CDH12: variants seen among roughly 807,000 people sequenced by gnomAD.
The protein encoded by CDH12 is cadherin 12.
In CDH12, 41 loss-of-function variants were observed where a neutral mutation model predicts 74.1. The ratio of observed to expected loss-of-function variants is 0.55; its 90% CI spans 0.43 to 0.72. The LOEUF (loss-of-function observed/expected upper bound fraction) is 0.72. CDH12 is among the 30% of genes least tolerant of loss of function. CDH12 has a pLI of 0.00. For missense variants in CDH12, 945 were observed against 977.2 expected (o/e 0.97, Z 0.44); for synonymous variants, 399 against 355.0 (o/e 1.12, Z -1.39).
At chr5:22,216,812 T>C (rs1287424358) in intron 3 of CDH12, among the ~76,000 whole-genome samples, 1 of 151,926 alleles carries the variant, frequency 6.6e-6, no homozygotes, top group African/African-American at 2.4e-5. Flanking sequence ...TCAGAAAACT[T>C]AGACTATAGT....
At chr5:22,263,580 T>TG (rs559359806) in intron 3 of CDH12, among the ~76,000 whole-genome samples, 4 of 152,110 alleles carry the variant, frequency 2.6e-5, no homozygotes, top group South Asian at 2.1e-4. Context: ...ATTCCATTTT[T>TG]GGGGGGTGTA....
chr5:22,522,822 T>C (rs1737113298), intron 1 of CDH12, among the ~76,000 whole-genome samples: 1 of 152,216 alleles, frequency 6.6e-6, no homozygotes, highest in Admixed American at 6.5e-5. Flanking sequence ...TGCTAGTTTC[T>C]AATCCTCCAC....
At chr5:22,199,124 T>C (rs1451026081) in intron 4 of CDH12, among the ~76,000 whole-genome samples, 2 of 152,168 alleles carry the variant, frequency 1.3e-5, no homozygotes, top group Non-Finnish European at 2.9e-5. Context: ...AGGAAATGCT[T>C]ACTCAGATTC....
chr5:22,846,577 G>GA (rs892919907), intron 1 of CDH12, among the ~76,000 whole-genome samples: 1 of 152,086 alleles, frequency 6.6e-6, no homozygotes, highest in African/African-American at 2.4e-5. Context: ...GATTTAATGT[G>GA]AAAAAAATCA....
At chr5:22,653,383 C>T (rs191935694) in intron 1 of CDH12, among the ~76,000 whole-genome samples, 1 of 152,140 alleles carries the variant, frequency 6.6e-6, no homozygotes, top group East Asian at 1.9e-4. Context: ...TTACACTGCT[C>T]TTCCAAACAG....
intron 8 of CDH12, among the ~76,000 whole-genome samples, chr5:21,820,234 C>CA (rs1278429999): frequency 2.0e-5 from 3 of 151,882 alleles, no homozygotes; most frequent in African/African-American, 7.2e-5. Context: ...GGGCTAGTCA[C>CA]AATAAATGTA....
intron 4 of CDH12, among the ~76,000 whole-genome samples, chr5:22,103,309 T>C (rs1045153724): frequency 7.0e-6 from 1 of 141,866 alleles, no homozygotes; most frequent in Non-Finnish European, 1.5e-5. Context: ...GCTCTTATGA[T>C]AGGTGAAAAA....
At chr5:22,474,605 T>C (rs1051884336) in intron 2 of CDH12, among the ~76,000 whole-genome samples, 3 of 152,090 alleles carry the variant, frequency 2.0e-5, no homozygotes, top group African/African-American at 7.2e-5. Flanking sequence ...AATGATTATT[T>C]CCATTGTGAA....
intron 4 of CDH12, among the ~76,000 whole-genome samples, chr5:22,156,961 A>G (rs534146425): frequency 1.3e-5 from 2 of 152,228 alleles, no homozygotes; most frequent in South Asian, 4.1e-4. Flanking sequence ...GGGGGAAGAA[A>G]AGCATGTATT....
chr5:22,681,261 G>GTT (rs1483461875), intron 1 of CDH12, among the ~76,000 whole-genome samples: 4 of 150,846 alleles, frequency 2.7e-5, no homozygotes, highest in African/African-American at 9.8e-5. Context: ...GTGTGTGTGT[G>GTT]TGTATTAGAT....
chr5:21,824,208 T>C (rs535210834), intron 8 of CDH12, among the ~76,000 whole-genome samples: 1 of 151,658 alleles, frequency 6.6e-6, no homozygotes, highest in South Asian at 2.1e-4. Flanking sequence ...AAATTTTTAA[T>C]TTTTTTTTCA....
chr5:22,018,189 C>A (rs186567292), intron 5 of CDH12, among the ~76,000 whole-genome samples: 100 of 152,262 alleles, frequency 6.6e-4, no homozygotes, highest in Non-Finnish European at 1.2e-3. Flanking sequence ...TTAAAACCAA[C>A]AGAAACTAAA....
At chr5:22,312,520 G>A (rs1738438207) in intron 3 of CDH12, among the ~76,000 whole-genome samples, 1 of 151,844 alleles carries the variant, frequency 6.6e-6, no homozygotes, top group Admixed American at 6.6e-5. Context: ...AATTTCAAAA[G>A]ATATTTTGTG....
rs145430729 is a variant in CDH12 at position 22,844,914 on chromosome 5, T to C, written c.-523+8144A>G. Among the ~76,000 whole-genome samples, 219 of 152,266 alleles carry C rather than the reference T, an allele frequency of 1.4e-3. 1 individual carries two copies. The highest frequency in any genetic ancestry group is 4.8e-3 in the African/African-American group (199 of 41,568). ...TACTTTAGGAGCTCCAGACAGTGCATAGAGTTGAGTCCAGGTGTTAATACT... is the reference window on the plus strand; with the variant it reads ...TACTTTAGGAGCTCCAGACAGTGCACAGAGTTGAGTCCAGGTGTTAATACT... On this transcript the variant is annotated intron_variant, in intron 1 of 14. Transcript: ENST00000382254.
chr5:21,811,737 A>T (rs1747758245), intron 9 of CDH12, among the ~76,000 whole-genome samples: 1 of 130,074 alleles, frequency 7.7e-6, no homozygotes, highest in East Asian at 2.2e-4. Flanking sequence ...GTTTTCTCAG[A>T]GTGGTAGGAT....
intron 2 of CDH12, among the ~76,000 whole-genome samples, chr5:22,453,969 ACATGGAAGATAT>A (rs1279667127): frequency 1.3e-5 from 2 of 152,312 alleles, no homozygotes; most frequent in Admixed American, 1.3e-4. Context: ...GTTAACCAAA[ACATGGAAGATAT>A]CTATTATTTT....
intron 6 of CDH12, among the ~76,000 whole-genome samples, chr5:21,902,214 T>G (rs1753421670): frequency 1.3e-5 from 2 of 151,690 alleles, no homozygotes; most frequent in Non-Finnish European, 2.9e-5. Flanking sequence ...TTGTTACTAG[T>G]AAACCAAATT....
intron 5 of CDH12, among the ~76,000 whole-genome samples, chr5:21,981,299 T>C (rs1757294874): frequency 6.6e-6 from 1 of 152,152 alleles, no homozygotes; most frequent in South Asian, 2.1e-4. Context: ...CAATATTTTA[T>C]TATGAAATTT....
intron 1 of CDH12, among the ~76,000 whole-genome samples, chr5:22,774,132 A>T (rs545645235): frequency 1.7e-4 from 26 of 152,284 alleles, no homozygotes; most frequent in African/African-American, 6.3e-4. Flanking sequence ...TACTTGGTAT[A>T]TATCCATGCA....
Sources: allele counts gnomAD v4.1 joint callset (sites outside exome capture counted in the v4.1 genomes callset), GRCh38; gene constraint gnomAD v4.1.1; transcripts MANE v1.5; gene names NCBI Gene and HGNC (gene_info 2026-07-23, HGNC 2026-07-21).